Variants in CSMD1 observed in about 807,000 individuals in gnomAD.
CSMD1 encodes the protein CUB and Sushi multiple domains 1.
In CSMD1, 213 loss-of-function variants were observed where a neutral mutation model predicts 417.5. The ratio of observed to expected loss-of-function variants is 0.51; its 90% CI spans 0.46 to 0.57. CSMD1 has a LOEUF of 0.57. CSMD1 is among the 20% of genes least tolerant of loss of function. The probability of loss-of-function intolerance (pLI) is 0.00; values close to 1 mark genes in which losing one functional copy is unlikely to be tolerated. For missense variants in CSMD1, 6,923 were observed against 4,529.7 expected (o/e 1.53, Z -15.17); for synonymous variants, 2,862 against 1,736.8 (o/e 1.65, Z -16.11).
chr8:3,876,788 T>G (rs1021710225), intron 5 of CSMD1, among the ~76,000 whole-genome samples: 3 of 152,114 alleles, frequency 2.0e-5, no homozygotes, highest in African/African-American at 7.2e-5. Context: ...TTTTAAAAAT[T>G]TTTTGTAGAA....
intron 3 of CSMD1, among the ~76,000 whole-genome samples, chr8:4,192,488 C>T (rs968548858): frequency 1.3e-5 from 2 of 152,036 alleles, no homozygotes. Flanking sequence ...TTGACCACCA[C>T]ATAAACTAAA....
At chr8:4,518,966 G>T (rs1049001814) in intron 2 of CSMD1, among the ~76,000 whole-genome samples, 8 of 151,812 alleles carry the variant, frequency 5.3e-5, no homozygotes, top group African/African-American at 1.7e-4. Context: ...TTTTTTAATT[G>T]CAAAGAGACT....
chr8:3,745,782 A>T (rs888470745), intron 6 of CSMD1, among the ~76,000 whole-genome samples: 1 of 152,234 alleles, frequency 6.6e-6, no homozygotes, highest in Admixed American at 6.5e-5. Context: ...CAGATCATTA[A>T]GAGAACAAGC....
intron 26 of CSMD1, chr8:3,278,860 G>C (rs1003516463): frequency 6.6e-6 from 1 of 152,208 alleles, no homozygotes; most frequent in Non-Finnish European, 1.5e-5. Flanking sequence ...GTGAGGGGAC[G>C]AATGTGGGTG....
At chr8:4,596,242 C>A (rs1314776224) in intron 2 of CSMD1, among the ~76,000 whole-genome samples, 1 of 152,062 alleles carries the variant, frequency 6.6e-6, no homozygotes, top group Non-Finnish European at 1.5e-5. Flanking sequence ...AATCATAGGA[C>A]AGTATATTAA....
At chr8:3,776,393 G>T (rs1434216645) in intron 5 of CSMD1, among the ~76,000 whole-genome samples, 1 of 152,144 alleles carries the variant, frequency 6.6e-6, no homozygotes, top group Non-Finnish European at 1.5e-5. Context: ...CTCTAAAGAG[G>T]CGCTGCAAGG....
intron 4 of CSMD1, among the ~76,000 whole-genome samples, chr8:4,018,342 T>C (rs1400143197): frequency 2.0e-5 from 3 of 152,256 alleles, no homozygotes; most frequent in Non-Finnish European, 4.4e-5. Context: ...GTATTCATTT[T>C]CATCCACAAA....
chr8:3,627,245 C>G (rs1198894320), intron 7 of CSMD1, among the ~76,000 whole-genome samples: 1 of 152,138 alleles, frequency 6.6e-6, no homozygotes, highest in Non-Finnish European at 1.5e-5. Flanking sequence ...GTGATAAAAA[C>G]CTTCTGTGCA....
chr8:2,981,437 T>C lies in CSMD1; in HGVS notation c.8378-2637A>G, dbSNP rs549869088. On this transcript the variant is annotated intron_variant, in intron 54 of 69. Coordinates refer to ENST00000635120, the MANE Select transcript of CSMD1 (RefSeq NM_033225.6). ...CCACCTGCAGCGACTCCAGACCTGG[T>C]TCATGACATGCTGTTAAGTATAGGG... Among the ~76,000 whole-genome samples the C allele has an allele frequency of 5.9e-5, 9 of 152,292 alleles. No individual in the cohort carries two copies. The East Asian group carries it at 1.4e-3, about 23-fold the overall frequency.
chr8:3,947,554 C>T (rs1350375973), intron 5 of CSMD1, among the ~76,000 whole-genome samples: 1 of 152,082 alleles, frequency 6.6e-6, no homozygotes, highest in African/African-American at 2.4e-5. Context: ...GGGAAAGCTC[C>T]TTATATTTGG....
At chr8:3,036,778 C>G (rs1810705598) in intron 50 of CSMD1, among the ~76,000 whole-genome samples, 1 of 152,144 alleles carries the variant, frequency 6.6e-6, no homozygotes, top group African/African-American at 2.4e-5. Flanking sequence ...AACCCGTCCA[C>G]CAAGACAAAA....
At chr8:4,656,726 A>G (rs1804256345) in intron 1 of CSMD1, among the ~76,000 whole-genome samples, 1 of 152,116 alleles carries the variant, frequency 6.6e-6, no homozygotes, top group South Asian at 2.1e-4. Context: ...TCACTCCAGA[A>G]CAGTGTTTGG....
At position 4,756,580 on chromosome 8, in the gene CSMD1, T is replaced by C. The variant is rs146330028; in HGVS notation, c.86-119022A>G. Among the ~76,000 whole-genome samples, 926 of 152,352 alleles carry C rather than the reference T, an allele frequency of 6.1e-3. 7 individuals are homozygous for C. The highest frequency in any genetic ancestry group is 0.021 in the African/African-American group (873 of 41,590). On this transcript the variant is annotated intron_variant, in intron 1 of 69. Coordinates refer to ENST00000635120, the MANE Select transcript of CSMD1 (RefSeq NM_033225.6). ...TGCTATTGAAATAGAGCATGCGTTCTAGACTTGTTTTTGCAGATGTATCTT... is the reference window on the plus strand; with the variant it reads ...TGCTATTGAAATAGAGCATGCGTTCCAGACTTGTTTTTGCAGATGTATCTT...
At chr8:4,767,828 C>T (rs1032366167) in intron 1 of CSMD1, among the ~76,000 whole-genome samples, 12 of 152,146 alleles carry the variant, frequency 7.9e-5, no homozygotes, top group Non-Finnish European at 1.5e-4. Context: ...CACTGGAGCA[C>T]CCAACTGCCC....
chr8:4,713,560 C>T (rs1808450804), intron 1 of CSMD1, among the ~76,000 whole-genome samples: 1 of 152,082 alleles, frequency 6.6e-6, no homozygotes. Context: ...TGCCACCACG[C>T]CTAGTTAATT....
At chr8:4,872,469 G>T (rs995562260) in intron 1 of CSMD1, among the ~76,000 whole-genome samples, 11 of 151,986 alleles carry the variant, frequency 7.2e-5, no homozygotes, top group African/African-American at 2.4e-4. Context: ...CCATCACTCA[G>T]CACTCCTTCC....
chr8:4,106,690 C>T (rs1273907520), intron 3 of CSMD1, among the ~76,000 whole-genome samples: 2 of 152,080 alleles, frequency 1.3e-5, no homozygotes, highest in Non-Finnish European at 2.9e-5. Flanking sequence ...TTATTTCATA[C>T]CAAGTCTTTA....
intron 2 of CSMD1, among the ~76,000 whole-genome samples, chr8:4,592,939 G>T (rs921254666): frequency 1.3e-5 from 2 of 152,078 alleles, no homozygotes; most frequent in African/African-American, 4.8e-5. Context: ...ATTTATATGT[G>T]AGGTTTGCTG....
intron 3 of CSMD1, among the ~76,000 whole-genome samples, chr8:4,295,953 T>C (rs1336546814): frequency 6.6e-6 from 1 of 151,652 alleles, no homozygotes; most frequent in African/African-American, 2.4e-5. Context: ...AGACTCACTC[T>C]GTAGAACATT....
Sources: allele counts gnomAD v4.1 joint callset (sites outside exome capture counted in the v4.1 genomes callset), GRCh38; gene constraint gnomAD v4.1.1; transcripts MANE v1.5; gene names NCBI Gene and HGNC (gene_info 2026-07-23, HGNC 2026-07-21).